The following MACROD2 variants were observed in gnomAD, a reference collection of about 807,000 sequenced individuals.
MACROD2 encodes the protein mono-ADP ribosylhydrolase 2.
MACROD2 carries 36 observed loss-of-function variants against 70.4 expected under a neutral mutation model. The observed-to-expected ratio is 0.51, with a 90% CI of 0.39 to 0.68. MACROD2 has a LOEUF of 0.68. Ranked by LOEUF, MACROD2 falls within the 30% of genes least tolerant of loss-of-function variation. The probability of loss-of-function intolerance (pLI) is 0.00; values close to 1 mark genes in which losing one functional copy is unlikely to be tolerated. For synonymous variants in MACROD2, 172 were observed against 178.8 expected, an observed-to-expected ratio of 0.96 and a Z score of 0.30; for missense variants, 496 against 538.4, an observed-to-expected ratio of 0.92 and a Z score of 0.78.
chr20:15,461,451 C>T (rs2046817446), intron 7 of MACROD2, among the ~76,000 whole-genome samples: 1 of 152,046 alleles, frequency 6.6e-6, no homozygotes, highest in Non-Finnish European at 1.5e-5. Flanking sequence ...ACTGTCCTCT[C>T]CAGGAAGGCA....
At chr20:14,426,518 T>C (rs2083934501) in intron 3 of MACROD2, among the ~76,000 whole-genome samples, 1 of 152,214 alleles carries the variant, frequency 6.6e-6, no homozygotes, top group African/African-American at 2.4e-5. Flanking sequence ...TTTCCTCAGA[T>C]GTCTTGTAGT....
chr20:14,658,190 T>G (rs563763944), intron 4 of MACROD2, among the ~76,000 whole-genome samples: 1 of 152,348 alleles, frequency 6.6e-6, no homozygotes, highest in Admixed American at 6.5e-5. Context: ...AGTTGTTTAA[T>G]TATCTACTTC....
intron 12 of MACROD2, among the ~76,000 whole-genome samples, chr20:15,941,677 T>C (rs2065753187): frequency 6.6e-6 from 1 of 152,222 alleles, no homozygotes; most frequent in South Asian, 2.1e-4. Context: ...ATAGAAATGC[T>C]CATTACACTC....
intron 8 of MACROD2, among the ~76,000 whole-genome samples, chr20:15,754,286 GA>G (rs1241776102): frequency 2.0e-5 from 3 of 152,004 alleles, no homozygotes; most frequent in African/African-American, 7.2e-5. Context: ...GTTTCTTTAG[GA>G]AAAAAATAAA....
chr20:15,698,541 A>G (rs1462132005), intron 8 of MACROD2, among the ~76,000 whole-genome samples: 1 of 152,182 alleles, frequency 6.6e-6, no homozygotes, highest in Non-Finnish European at 1.5e-5. Flanking sequence ...TAACCTGATG[A>G]CAATGTGCCT....
intron 3 of MACROD2, among the ~76,000 whole-genome samples, chr20:14,452,166 A>G (rs1341446718): frequency 6.6e-6 from 1 of 152,114 alleles, no homozygotes; most frequent in Non-Finnish European, 1.5e-5. Flanking sequence ...ATAATAATGA[A>G]TTTAGATTGT....
intron 8 of MACROD2, among the ~76,000 whole-genome samples, chr20:15,825,208 C>A (rs2147108730): frequency 6.6e-6 from 1 of 152,326 alleles, no homozygotes; most frequent in East Asian, 1.9e-4. Context: ...TCTCTTAAAT[C>A]TGGGCAGCCC....
chr20:15,235,310 T>A (rs1199182792), intron 6 of MACROD2, among the ~76,000 whole-genome samples: 1 of 152,230 alleles, frequency 6.6e-6, no homozygotes, highest in Non-Finnish European at 1.5e-5. Context: ...ACTTGTATGT[T>A]TGTTTAAGTG....
At chr20:15,154,289 C>A (rs1226397949) in intron 5 of MACROD2, among the ~76,000 whole-genome samples, 1 of 152,192 alleles carries the variant, frequency 6.6e-6, no homozygotes. Flanking sequence ...TATGAACTGG[C>A]AGGAACCTTT....
chr20:15,271,407 C>G (rs1305131917), intron 6 of MACROD2, among the ~76,000 whole-genome samples: 2 of 152,156 alleles, frequency 1.3e-5, no homozygotes, highest in Non-Finnish European at 2.9e-5. Context: ...TAAGTTTCAA[C>G]CTATGAATTT....
intron 5 of MACROD2, among the ~76,000 whole-genome samples, chr20:14,986,501 C>A (rs903879251): frequency 6.6e-6 from 1 of 151,994 alleles, no homozygotes; most frequent in Non-Finnish European, 1.5e-5. Flanking sequence ...ACTTAGATAC[C>A]GTCCTAAGTG....
intron 5 of MACROD2, among the ~76,000 whole-genome samples, chr20:14,946,024 A>G (rs538308537): frequency 2.0e-5 from 3 of 152,284 alleles, no homozygotes; most frequent in East Asian, 3.9e-4. Context: ...CCTGGCCAAC[A>G]TGGTGAAACC....
At chr20:15,603,534 A>G (rs1600655979) in intron 8 of MACROD2, among the ~76,000 whole-genome samples, 1 of 151,918 alleles carries the variant, frequency 6.6e-6, no homozygotes, top group African/African-American at 2.4e-5. Context: ...ATATAAGGGA[A>G]ATAGCCATAA....
intron 7 of MACROD2, among the ~76,000 whole-genome samples, chr20:15,486,313 A>G (rs2047162890): frequency 6.6e-6 from 1 of 152,172 alleles, no homozygotes. Context: ...CTGGTTTTCC[A>G]GGCCTACTGT....
At chr20:14,132,657 A>G (rs2054732866) in intron 3 of MACROD2, among the ~76,000 whole-genome samples, 1 of 151,708 alleles carries the variant, frequency 6.6e-6, no homozygotes, top group Non-Finnish European at 1.5e-5. Flanking sequence ...TTTTTTTTAG[A>G]GGCAAGATTT....
chr20:14,176,402 A>G (rs184350538), intron 3 of MACROD2, among the ~76,000 whole-genome samples: 2 of 152,334 alleles, frequency 1.3e-5, no homozygotes, highest in African/African-American at 4.8e-5. Flanking sequence ...CTCTCATGAT[A>G]ACTTCTACAG....
At chr20:14,487,583 C>G (rs1324227943) in intron 3 of MACROD2, among the ~76,000 whole-genome samples, 1 of 152,164 alleles carries the variant, frequency 6.6e-6, no homozygotes, top group Non-Finnish European at 1.5e-5. Context: ...CCCTTCCCCT[C>G]TCTCTCATTC....
chr20:14,821,551 G>T (rs770367889), intron 5 of MACROD2, among the ~76,000 whole-genome samples: 1 of 151,986 alleles, frequency 6.6e-6, no homozygotes, highest in African/African-American at 2.4e-5. Flanking sequence ...GAGAACACTC[G>T]CTCTCATCAT....
At chr20:15,027,240 A>G (rs1391826913) in intron 5 of MACROD2, among the ~76,000 whole-genome samples, 1 of 152,162 alleles carries the variant, frequency 6.6e-6, no homozygotes, top group African/African-American at 2.4e-5. Context: ...CTATTATTCC[A>G]TTTTATTATA....
Sources: gnomAD v4.1 joint callset for allele counts (sites outside exome capture counted in the v4.1 genomes callset) on GRCh38, gnomAD v4.1.1 for gene constraint, MANE v1.5 for transcripts, NCBI Gene and HGNC (gene_info 2026-07-23, HGNC 2026-07-21) for gene names.